The following IRX6 variants were observed in gnomAD, a reference collection of about 807,000 sequenced individuals.
IRX6 encodes the protein iroquois homeobox 6.
IRX6 carries 46 observed loss-of-function variants against 47.7 expected under a neutral mutation model. The observed-to-expected ratio is 0.96, with a 90% CI of 0.76 to 1.23. IRX6 has a LOEUF of 1.23. IRX6 is among the 50% of genes most tolerant of loss of function. The probability of loss-of-function intolerance (pLI) is 0.00; values close to 1 mark genes in which losing one functional copy is unlikely to be tolerated. For synonymous variants in IRX6, 265 were observed against 246.2 expected, an observed-to-expected ratio of 1.08 and a Z score of -0.72; for missense variants, 722 against 588.0, an observed-to-expected ratio of 1.23 and a Z score of -2.36.
intron 1 of IRX6, chr16:55,326,077 C>T (rs560104339): frequency 2.0e-6 from 1 of 495,494 alleles, no homozygotes; most frequent in Non-Finnish European, 3.5e-6. Context: ...TTTTCCCGGC[C>T]TCCTGGGGCT....
At chr16:55,327,240 C>G (rs1333871280) in intron 2 of IRX6, 56 bp from the exon 3 acceptor site, 21 of 1,257,126 alleles carry the variant, frequency 1.7e-5, no homozygotes, top group Non-Finnish European at 2.3e-5. Flanking sequence ...TTAGCTACCA[C>G]CCCATGTGCC....
At chr16:55,328,571 G>T in intron 4 of IRX6, 129 bp from the exon 5 acceptor site, 1 of 926,602 alleles carries the variant, frequency 1.1e-6, no homozygotes. Context: ...GGTACGGCAG[G>T]TCTGGTGAAT....
At position 55,326,323 on chromosome 16, in the gene IRX6, C is replaced by T. The variant is rs1389162452; in HGVS notation, c.46-13C>T. On this transcript the variant is annotated splice_polypyrimidine_tract_variant and intron_variant, in intron 1 of 5. Coordinates refer to ENST00000290552, the MANE Select transcript of IRX6 (RefSeq NM_024335.3). ...GTCTCTGACCTCCAGTGCCCTCTTT[C>T]TTGCCCCTATAGTTTCTGGCGTCGG... 1 of 1,603,396 alleles carries T rather than the reference C, an allele frequency of 6.2e-7. No individual in the cohort carries two copies. Among genetic ancestry groups the T allele is most frequent in the Admixed American group, 1.7e-5 (1 of 59,684 alleles).
At position 55,329,116 on chromosome 16, in the gene IRX6, A is replaced by G. The variant is rs777246452; in HGVS notation, c.1138A>G (p.Met380Val). Reference protein sequence around the residue: ...RPRPRSPECRMIPGQPPASAR... With the variant: ...RPRPRSPECRVIPGQPPASAR... ...TAGGCCACGAAGTCCTGAGTGCCGT[A>G]TGATTCCTGGACAGCCTCCTGCCTC... Residue 380 changes from methionine (M) to valine (V), a missense_variant, in exon 5 of 6, where the codon ATG (methionine) becomes GTG (valine). Coordinates refer to ENST00000290552, the MANE Select transcript of IRX6 (RefSeq NM_024335.3). 2 of 1,614,018 alleles carry G rather than the reference A, an allele frequency of 1.2e-6. No individual in the cohort carries two copies. Among genetic ancestry groups the G allele is most frequent in the Non-Finnish European group, 1.7e-6 (2 of 1,180,018 alleles).
chr16:55,324,868 T>A lies in IRX6; in HGVS notation c.-224T>A, dbSNP rs1318842011. On this transcript the variant is annotated 5_prime_UTR_variant, in exon 1 of 6. Coordinates refer to ENST00000290552, the MANE Select transcript of IRX6 (RefSeq NM_024335.3). This position sits in a 1 kb window ranked among gnomAD's most constrained non-coding sequence, Gnocchi z 4.4. ...CCCTGCCCATCCATGGGCCCTTCTG[T>A]CTTCCGGACCCCACGGGCCGGAGGG... 8.4e-6 allele frequency: 5 copies of A among 592,626 alleles called. No individual in the cohort carries two copies. The African/African-American group carries it at 9.4e-5, about 11-fold the overall frequency. 36.7% of individuals were successfully genotyped at this position (592,626 alleles called of 1,614,324 possible).
rs545172379 is a variant in IRX6 at position 55,326,074 on chromosome 16, G to A, written c.46-262G>A. 1,355 of 481,626 alleles carry A rather than the reference G, an allele frequency of 2.8e-3. 7 individuals are homozygous for A. Among genetic ancestry groups the A allele is most frequent in the Non-Finnish European group, 4.3e-3 (1,188 of 273,252 alleles). 29.8% of individuals were successfully genotyped at this position (481,626 alleles called of 1,614,324 possible). A position where few individuals can be genotyped will look rare whatever the true frequency, so the allele number is the denominator to read the frequency against. On this transcript the variant is annotated intron_variant, in intron 1 of 5. Coordinates refer to ENST00000290552, the MANE Select transcript of IRX6 (RefSeq NM_024335.3). The stretch of plus-strand genomic sequence containing the variant: ...GGTTTCAAAATGTTCACATTTTCCC[G>A]GCCTCCTGGGGCTCTGGGGCCTTAG...
At chr16:55,328,647 C>T in intron 4 of IRX6, 53 bp from the exon 5 acceptor site, 4 of 1,575,964 alleles carry the variant, frequency 2.5e-6, no homozygotes, top group Non-Finnish European at 3.4e-6. Flanking sequence ...GGACATTCCT[C>T]GGATTTCCCT....
rs1173991940 is a variant in IRX6 at position 55,327,740 on chromosome 16, C to G, written c.568C>G (p.Leu190Val). ...GCTGGCCATCATCACCAAGATGACC[C>G]TCACCCAGGTGTCCACCTGGTTCGC... is the stretch of plus-strand genomic sequence containing the variant. ...IMLAIITKMT[L>V]TQVSTWFANA... Residue 190 changes from leucine (L) to valine (V), a missense_variant, in exon 4 of 6, where the codon CTC (leucine) becomes GTC (valine). By Grantham distance (32) the Leu-to-Val change is conservative. Transcript: ENST00000290552. The G allele has an allele frequency of 1.9e-6, 3 of 1,612,382 alleles. No homozygotes were observed. In the South Asian group the frequency reaches 3.3e-5, roughly 18 times the overall value.
chr16:55,325,229 T>G (rs31079), intron 1 of IRX6, 93 bp downstream of exon 1: 1 of 1,258,866 alleles, frequency 7.9e-7, no homozygotes, highest in South Asian at 1.2e-5. Flanking sequence ...CCTCTTGTGT[T>G]CTGGGGGAAG....
Position 55,330,283 on chromosome 16 carries a change from C to G in IRX6, c.1334-15C>G. Reference sequence around the variant, plus strand: ...TAAACAGCCTTTGGGTTTTAATCAACCTTTCCTCTCTCAGCAGGTTAGCGC... The same window carrying G: ...TAAACAGCCTTTGGGTTTTAATCAAGCTTTCCTCTCTCAGCAGGTTAGCGC... On this transcript the variant is annotated splice_polypyrimidine_tract_variant and intron_variant, in intron 5 of 5. Transcript: ENST00000290552. 2.5e-6 allele frequency: 4 copies of G among 1,613,478 alleles called. No homozygotes were observed. Among genetic ancestry groups the G allele is most frequent in the Non-Finnish European group, 3.4e-6 (4 of 1,179,392 alleles).
Sources: allele counts gnomAD v4.1 joint callset, GRCh38; gene constraint gnomAD v4.1.1; non-coding constraint Gnocchi (gnomAD v3.1); transcripts MANE v1.5; gene names NCBI Gene and HGNC (gene_info 2026-07-23, HGNC 2026-07-21).